The following GNS variants were observed in gnomAD, a reference collection of about 807,000 sequenced individuals.
GNS encodes the protein N-acetylglucosamine-6-sulfatase.
A neutral mutation model predicts 69.7 loss-of-function variants in GNS; 40 were observed. That is an observed-to-expected ratio of 0.57 (90% CI 0.45 to 0.75). The LOEUF is 0.75. Ranked by LOEUF, GNS falls within the 30% of genes least tolerant of loss-of-function variation. The pLI is 0.00. For synonymous variants in GNS, 243 were observed against 251.6 expected, an observed-to-expected ratio of 0.97 and a Z score of 0.32; for missense variants, 565 against 685.5, an observed-to-expected ratio of 0.82 and a Z score of 1.96.
intron 5 of GNS, 135 bp downstream of exon 5, chr12:64,744,674 G>A: frequency 4.4e-6 from 3 of 688,282 alleles, no homozygotes; most frequent in Non-Finnish European, 8.0e-6. Context: ...AATACTCTTG[G>A]GCAGTTAGAC....
chr12:64,730,434 C>CAAAAAAAAAAAAAAAAAAAAAAAA (rs35692874), intron 9 of GNS, among the ~76,000 whole-genome samples: 2 of 43,386 alleles, frequency 4.6e-5, no homozygotes, highest in East Asian at 8.8e-4. Context: ...ATATGAAAGG[C>CAAAAAAAAAAAAAAAAAAAAAAAA]AAAAAAAAAA....
At chr12:64,727,186 A>C (rs1258695296) in intron 10 of GNS, among the ~76,000 whole-genome samples, 1 of 151,152 alleles carries the variant, frequency 6.6e-6, no homozygotes, top group Non-Finnish European at 1.5e-5. Context: ...TTTTTCTTAA[A>C]ATCTTGGAAA....
chr12:64,720,592 T>A (rs1393852607), intron 12 of GNS, among the ~76,000 whole-genome samples: 1 of 152,238 alleles, frequency 6.6e-6, no homozygotes, highest in Non-Finnish European at 1.5e-5. Context: ...TAAAGGTGAT[T>A]TTTGCCCTAG....
intron 4 of GNS, among the ~76,000 whole-genome samples, 157 bp downstream of exon 4, chr12:64,745,502 G>T (rs1869872055): frequency 6.6e-6 from 1 of 152,074 alleles, no homozygotes; most frequent in Non-Finnish European, 1.5e-5. Flanking sequence ...TTCTAGGCGT[G>T]AGCCACTACA....
chr12:64,727,405 C>G (rs1423147058), intron 10 of GNS, among the ~76,000 whole-genome samples: 3 of 151,854 alleles, frequency 2.0e-5, no homozygotes, highest in Non-Finnish European at 4.4e-5. Context: ...ACACTGCACT[C>G]CAGCCTGGGT....
In GNS at chr12:64,743,223, G is replaced by A. The variant is rs1236544265; in HGVS notation, c.710C>T (p.Pro237Leu). 6.2e-7 allele frequency: 1 copy of A among 1,612,492 alleles called. No individual in the cohort carries two copies. Residue 237 changes from proline (P) to leucine (L), a missense_variant, in exon 6 of 14, where the codon CCT (proline) becomes CTT (leucine). By Grantham distance (98) the Pro-to-Leu change is moderately conservative (BLOSUM62 -3). This residue lies in a region of GNS where 384 missense variants were observed against 511.0 expected (regional missense o/e 0.75). Transcript: ENST00000258145. The part of the protein sequence containing the change: ...MMIATPAPHS[P>L]WTAAPQYQKA... ...CTGGTACTGAGGTGCAGCTGTCCAA[G>A]GCGAATGAGGCGCTGGAGTGGCGAT...
intron 2 of GNS, among the ~76,000 whole-genome samples, chr12:64,751,675 T>C (rs1870081301): frequency 6.6e-6 from 1 of 152,164 alleles, no homozygotes; most frequent in Admixed American, 6.5e-5. Flanking sequence ...ACCAACATCA[T>C]GTAGTATTTA....
chr12:64,737,363 G>C (rs966477922), intron 8 of GNS, among the ~76,000 whole-genome samples: 14 of 152,184 alleles, frequency 9.2e-5, no homozygotes, highest in Admixed American at 8.5e-4. Context: ...AATAATGACA[G>C]GAAAGTATTG....
intron 4 of GNS, 63 bp downstream of exon 4, chr12:64,745,596 A>T: frequency 1.1e-6 from 1 of 933,940 alleles, no homozygotes; most frequent in South Asian, 1.3e-5. Flanking sequence ...TCAGAGCTAA[A>T]TTAAACATAT....
intron 11 of GNS, among the ~76,000 whole-genome samples, chr12:64,722,647 T>G (rs558463630): frequency 7.2e-4 from 109 of 152,364 alleles, no homozygotes; most frequent in Middle Eastern, 6.8e-3. Flanking sequence ...ATGGCATGGT[T>G]ACAGGCAGGA....
At chr12:64,755,963 G>A (rs1048635563) in intron 1 of GNS, among the ~76,000 whole-genome samples, 10 of 152,062 alleles carry the variant, frequency 6.6e-5, no homozygotes, top group South Asian at 2.1e-4. Flanking sequence ...CACCGCGCCC[G>A]GCCATGAATT....
intron 2 of GNS, among the ~76,000 whole-genome samples, chr12:64,751,596 T>C (rs745775264): frequency 9.9e-5 from 15 of 152,232 alleles, no homozygotes; most frequent in Non-Finnish European, 1.6e-4. Context: ...TACTTTCTCG[T>C]ATCTATTGGG....
At chr12:64,727,270 T>TTA (rs1869233366) in intron 10 of GNS, among the ~76,000 whole-genome samples, 3 of 137,280 alleles carry the variant, frequency 2.2e-5, no homozygotes, top group South Asian at 4.7e-4. Flanking sequence ...TTTCTACTAT[T>TTA]AAAAAAAAAA....
chr12:64,720,601 A>G (rs2136236845), intron 12 of GNS, among the ~76,000 whole-genome samples: 1 of 152,360 alleles, frequency 6.6e-6, no homozygotes, highest in Non-Finnish European at 1.5e-5. Flanking sequence ...TTTTTGCCCT[A>G]GAATTGTGAA....
At position 64,757,039 on chromosome 12, in the gene GNS, C is replaced by T. The variant is rs118063032; in HGVS notation, c.192+2046G>A. On this transcript the variant is annotated intron_variant, in intron 1 of 13. Transcript: ENST00000258145. ...ACAAAATATTTAAAAATTAGCTGGACGTAGTGACATGTGCCTGTAGTTCCA... is the reference window on the plus strand; with the variant it reads ...ACAAAATATTTAAAAATTAGCTGGATGTAGTGACATGTGCCTGTAGTTCCA... Among the ~76,000 whole-genome samples the T allele has an allele frequency of 4.1e-3, 620 of 152,168 alleles. 4 individuals are homozygous for T. The highest frequency in any genetic ancestry group is 6.1e-3 in the Non-Finnish European group (413 of 68,024).
At chr12:64,745,893 C>G in intron 3 of GNS, 169 bp from the exon 4 acceptor site, 1 of 623,360 alleles carries the variant, frequency 1.6e-6, no homozygotes, top group African/African-American at 1.8e-5. Flanking sequence ...CTAGGAACTT[C>G]TAAAGCAGGA....
At chr12:64,753,407 G>T (rs772833033) in intron 1 of GNS, among the ~76,000 whole-genome samples, 1 of 152,160 alleles carries the variant, frequency 6.6e-6, no homozygotes, top group Non-Finnish European at 1.5e-5. Context: ...CAAGTACAGA[G>T]AACAATTAAC....
In GNS at chr12:64,742,315, C is replaced by T. The variant is rs540162883; in HGVS notation, c.792+826G>A. 5.9e-5 allele frequency among the ~76,000 whole-genome samples: 9 copies of T among 152,306 alleles called. No homozygotes were observed. The South Asian group carries it at 8.3e-4, about 14-fold the overall frequency. On this transcript the variant is annotated intron_variant, in intron 6 of 13. Transcript: ENST00000258145. ...GATTACAGGCATGAGCCACTGCGCC[C>T]GGCCAGTACTCTAATTTAAAACACA...
intron 9 of GNS, among the ~76,000 whole-genome samples, chr12:64,732,033 C>G (rs992284635): frequency 2.0e-5 from 3 of 152,120 alleles, no homozygotes; most frequent in Admixed American, 6.5e-5. Context: ...GTTGCCCAGG[C>G]TGGAGTGCAA....
Sources: allele counts gnomAD v4.1 joint callset (sites outside exome capture counted in the v4.1 genomes callset), GRCh38; gene constraint gnomAD v4.1.1; regional missense constraint gnomAD v4.1.1; transcripts MANE v1.5; gene names NCBI Gene and HGNC (gene_info 2026-07-23, HGNC 2026-07-21).